Variants in GFPT1 observed in about 807,000 individuals in gnomAD.
GFPT1 encodes the protein glutamine--fructose-6-phosphate aminotransferase [isomerizing] 1.
GFPT1 carries 40 observed loss-of-function variants against 92.0 expected under a neutral mutation model. The ratio of observed to expected loss-of-function variants is 0.43; its 90% CI spans 0.34 to 0.57. The LOEUF is 0.57. Among genes scored for constraint, GFPT1 ranks in the 20% least tolerant of loss-of-function variants. The pLI is 0.02. For synonymous variants in GFPT1, 269 were observed against 280.6 expected, an observed-to-expected ratio of 0.96 and a Z score of 0.41; for missense variants, 448 against 869.1, an observed-to-expected ratio of 0.52 and a Z score of 6.09.
chr2:69,348,694 G>T (rs183302988), intron 10 of GFPT1, among the ~76,000 whole-genome samples: 8 of 152,144 alleles, frequency 5.3e-5, no homozygotes, highest in Non-Finnish European at 8.8e-5. Context: ...TCCTCGGGTG[G>T]ACTACTGCAG....
chr2:69,378,674 A>C (rs966799584), intron 1 of GFPT1, among the ~76,000 whole-genome samples: 1 of 152,202 alleles, frequency 6.6e-6, no homozygotes, highest in African/African-American at 2.4e-5. Flanking sequence ...AGACTGTTAA[A>C]CCTTACTGAA....
chr2:69,380,039 C>T (rs1671970367), intron 1 of GFPT1, among the ~76,000 whole-genome samples: 2 of 151,726 alleles, frequency 1.3e-5, no homozygotes, highest in South Asian at 2.1e-4. Context: ...TTCTACAATC[C>T]TAAAAGCACA....
At chr2:69,363,408 A>ATGCT in intron 4 of GFPT1, 137 bp downstream of exon 4, 1 of 907,472 alleles carries the variant, frequency 1.1e-6, no homozygotes, top group Admixed American at 2.1e-5. Flanking sequence ...TCAGCTCCAT[A>ATGCT]TGCTCTCTAC....
rs1339822246 is a variant in GFPT1 at position 69,326,293 on chromosome 2, G to A, written c.2056-60C>T. ...GAGATTATATAGACTGGGGAAGGGG[G>A]TGGTTACTATAAGCAAATTATTTTT... On this transcript the variant is annotated intron_variant, in intron 19 of 19. Transcript: ENST00000357308. The A allele has an allele frequency of 1.5e-5, 17 of 1,098,116 alleles. No homozygotes were observed. The Admixed American group carries it at 2.2e-4, about 14-fold the overall frequency. 68.0% of individuals were successfully genotyped at this position (1,098,116 alleles called of 1,614,324 possible).
Position 69,345,939 on chromosome 2 carries a change from G to T in GFPT1, c.1070C>A (p.Thr357Lys). The part of the protein sequence containing the change: ...IFEQPESVVN[T>K]MRGRVNFDDY... ...ATCAAAGTTGACTCTTCCTCTCATT[G>T]TGTTCACGACAGACTCTGGCTGCTC... The change falls in exon 12 of 20, where the codon ACA (threonine) becomes AAA (lysine). Residue 357 changes from threonine to lysine, a missense_variant. Physicochemically the swap from Thr to Lys is moderately conservative, Grantham distance 78. Transcript: ENST00000357308. 1 of 1,600,524 alleles carries T rather than the reference G, an allele frequency of 6.2e-7. No homozygotes were observed. Among genetic ancestry groups the T allele is most frequent in the Non-Finnish European group, 8.6e-7 (1 of 1,167,636 alleles).
intron 17 of GFPT1, among the ~76,000 whole-genome samples, chr2:69,328,885 T>C (rs1670595204): frequency 6.6e-6 from 1 of 151,972 alleles, no homozygotes; most frequent in African/African-American, 2.4e-5. Context: ...GTATTATTAG[T>C]AGAGATGGGG....
rs115147259 is a variant in GFPT1 at position 69,367,152 on chromosome 2, G to A, written c.223+2849C>T. Reference sequence around the variant, plus strand: ...CTCAGAAGATTTTCAAGTTGACACAGTCTTACTATTCATGCCTTTTAAACT... The same window carrying A: ...CTCAGAAGATTTTCAAGTTGACACAATCTTACTATTCATGCCTTTTAAACT... On this transcript the variant is annotated intron_variant, in intron 3 of 19. Coordinates refer to ENST00000357308, the MANE Select transcript of GFPT1 (RefSeq NM_001244710.2). Among the ~76,000 whole-genome samples, 881 of 152,234 alleles carry A rather than the reference G, an allele frequency of 5.8e-3. 10 individuals carry two copies. Among genetic ancestry groups the A allele is most frequent in the African/African-American group, 0.019 (785 of 41,550 alleles).
chr2:69,337,737 A>G (rs943082279), intron 15 of GFPT1, among the ~76,000 whole-genome samples, 161 bp downstream of exon 15: 2 of 152,212 alleles, frequency 1.3e-5, no homozygotes, highest in Non-Finnish European at 2.9e-5. Flanking sequence ...CAATAATTAC[A>G]ATGATTAGTA....
At chr2:69,348,138 G>A (rs779873663) in intron 11 of GFPT1, 33 bp downstream of exon 11, 3 of 1,542,312 alleles carry the variant, frequency 1.9e-6, no homozygotes, top group Middle Eastern at 1.7e-4. Flanking sequence ...TTCCAGTAAG[G>A]ACAGCAAGCT....
chr2:69,328,533 GTCTA>G (rs1459457706), intron 17 of GFPT1, 95 bp from the exon 18 acceptor site: 13 of 842,218 alleles, frequency 1.5e-5, no homozygotes, highest in Non-Finnish European at 2.2e-5. Context: ...TCAAGCCACT[GTCTA>G]TCTATCCAAA....
intron 1 of GFPT1, among the ~76,000 whole-genome samples, chr2:69,374,336 CAG>C (rs1026199992): frequency 1.4e-5 from 2 of 144,718 alleles, no homozygotes; most frequent in Non-Finnish European, 3.0e-5. Context: ...TTTTTTGAGA[CAG>C]AGTCTCACTC....
chr2:69,339,974 T>A (rs1670899116), intron 13 of GFPT1, among the ~76,000 whole-genome samples: 1 of 152,032 alleles, frequency 6.6e-6, no homozygotes, highest in Non-Finnish European at 1.5e-5. Flanking sequence ...GTTTATAATA[T>A]AAATGTTACA....
chr2:69,332,464 C>T (rs1670688363), intron 15 of GFPT1, among the ~76,000 whole-genome samples: 1 of 151,912 alleles, frequency 6.6e-6, no homozygotes, highest in African/African-American at 2.4e-5. Context: ...CAGGCGCCCG[C>T]CACCATGCCC....
Position 69,338,463 on chromosome 2 carries a change from A to T in GFPT1, c.1306T>A (p.Phe436Ile). The change falls in exon 14 of 20, where the codon TTT becomes ATT. Residue 436 changes from phenylalanine to isoleucine, a missense_variant. Physicochemically the swap from Phe to Ile is conservative, Grantham distance 21. Transcript: ENST00000357308. ...AACACACCTGATTGACTAAGGAAAA[A>T]GCAAACATCATCTCGAAAGACTGGT... ...NTPVFRDDVC[F>I]FLSQSGETAD... 1 of 1,613,414 alleles carries T rather than the reference A, an allele frequency of 6.2e-7. No individual in the cohort carries two copies. The highest frequency in any genetic ancestry group is 8.5e-7 in the Non-Finnish European group (1 of 1,179,388).
chr2:69,342,374 T>A (rs1670973900), intron 12 of GFPT1, 125 bp from the exon 13 acceptor site: 5 of 713,952 alleles, frequency 7.0e-6, no homozygotes, highest in Non-Finnish European at 1.2e-5. Flanking sequence ...TTAATATTCC[T>A]CTTGGAAAGC....
At chr2:69,374,271 A>C (rs1028892419) in intron 1 of GFPT1, among the ~76,000 whole-genome samples, 158 bp from the exon 2 acceptor site, 2 of 152,078 alleles carry the variant, frequency 1.3e-5, no homozygotes, top group Non-Finnish European at 2.9e-5. Context: ...GGAGTTTCTC[A>C]TAAGTATAAA....
rs1670394090 is a variant in GFPT1, at chr2:69,321,124, C to G, written c.*5065G>C. ...TTAGATTGTCTTGCTACTCACTGAC[C>G]TTAAATATTATCCTTTCTTTTGCAA... On this transcript the variant is annotated 3_prime_UTR_variant, in exon 20 of 20. Coordinates refer to ENST00000357308, the MANE Select transcript of GFPT1 (RefSeq NM_001244710.2). The G allele has an allele frequency of 6.6e-6, 1 of 152,236 alleles. No homozygotes were observed. The highest frequency in any genetic ancestry group is 2.4e-5 in the African/African-American group (1 of 41,462). 9.4% of individuals were successfully genotyped at this position (152,236 alleles called of 1,614,324 possible). A position where few individuals can be genotyped will look rare whatever the true frequency, so the allele number is the denominator to read the frequency against.
intron 3 of GFPT1, among the ~76,000 whole-genome samples, chr2:69,367,752 C>T (rs1385494186): frequency 6.6e-6 from 1 of 152,166 alleles, no homozygotes; most frequent in Non-Finnish European, 1.5e-5. Context: ...GTCATGTCAC[C>T]TTGTTCACTG....
At chr2:69,385,522 G>C (rs1672109677) in intron 1 of GFPT1, among the ~76,000 whole-genome samples, 1 of 141,682 alleles carries the variant, frequency 7.1e-6, no homozygotes, top group Non-Finnish European at 1.5e-5. Context: ...ACCACGCCCA[G>C]CGCTGATTTA....
Sources: allele counts gnomAD v4.1 joint callset (sites outside exome capture counted in the v4.1 genomes callset), GRCh38; gene constraint gnomAD v4.1.1; transcripts MANE v1.5; gene names NCBI Gene and HGNC (gene_info 2026-07-23, HGNC 2026-07-21).